FRMD4A: variants seen among roughly 807,000 people sequenced by gnomAD.
The protein encoded by FRMD4A is FERM domain-containing protein 4A.
Under a neutral mutation model 129.1 loss-of-function variants are expected in FRMD4A, and 29 were observed. That is an observed-to-expected ratio of 0.22 (90% CI 0.17 to 0.31). The LOEUF (loss-of-function observed/expected upper bound fraction) is 0.31, where lower values mean the gene tolerates loss of function less well. Ranked by LOEUF, FRMD4A falls within the 10% of genes least tolerant of loss-of-function variation. The pLI is 1.00. For synonymous variants in FRMD4A, 634 were observed against 571.6 expected, an observed-to-expected ratio of 1.11 and a Z score of -1.56; for missense variants, 1,272 against 1,375.8, an observed-to-expected ratio of 0.92 and a Z score of 1.19.
Position 13,922,572 on chromosome 10 carries a change from G to T in FRMD4A, c.46-63660C>A, listed in dbSNP as rs185186130. Among the ~76,000 whole-genome samples, 529 of 152,274 alleles carry T rather than the reference G, an allele frequency of 3.5e-3. 3 individuals are homozygous for T. The highest frequency in any genetic ancestry group is 6.4e-3 in the Non-Finnish European group (438 of 67,998). On this transcript the variant is annotated intron_variant, in intron 2 of 24. Coordinates refer to ENST00000357447, the MANE Select transcript of FRMD4A (RefSeq NM_018027.5). Reference sequence around the variant, plus strand: ...TCTAGCTATGAGGTAAGTGCAGTCTGCTCTAAAAATAAAAAGCTCTCCTCC... The same window carrying T: ...TCTAGCTATGAGGTAAGTGCAGTCTTCTCTAAAAATAAAAAGCTCTCCTCC...
chr10:13,774,859 C>T (rs529613912), intron 6 of FRMD4A, among the ~76,000 whole-genome samples: 7 of 150,714 alleles, frequency 4.6e-5, no homozygotes, highest in African/African-American at 1.7e-4. Context: ...CTAATATTAT[C>T]AGAGTGATAA....
intron 2 of FRMD4A, among the ~76,000 whole-genome samples, chr10:14,034,765 T>G (rs1222331964): frequency 6.6e-6 from 1 of 152,212 alleles, no homozygotes; most frequent in Non-Finnish European, 1.5e-5. Flanking sequence ...GTGCTGTGCC[T>G]GACACCAGGT....
intron 2 of FRMD4A, among the ~76,000 whole-genome samples, chr10:13,994,021 T>A (rs985794866): frequency 4.0e-5 from 6 of 151,032 alleles, no homozygotes; most frequent in African/African-American, 1.5e-4. Flanking sequence ...TCCTTTTTTT[T>A]TTTTTTGAGA....
intron 2 of FRMD4A, among the ~76,000 whole-genome samples, chr10:13,900,890 C>T (rs1268654996): frequency 6.6e-6 from 1 of 151,720 alleles, no homozygotes; most frequent in Admixed American, 6.6e-5. Flanking sequence ...GAGCGAGATT[C>T]CGTCTCTAAA....
chr10:13,829,782 G>A (rs963920587), intron 3 of FRMD4A, among the ~76,000 whole-genome samples: 2 of 152,194 alleles, frequency 1.3e-5, no homozygotes, highest in Non-Finnish European at 2.9e-5. Flanking sequence ...AGACCCATCT[G>A]TGGGAATTCA....
intron 2 of FRMD4A, among the ~76,000 whole-genome samples, chr10:14,022,762 T>G (rs952087907): frequency 2.0e-5 from 3 of 151,978 alleles, no homozygotes; most frequent in Non-Finnish European, 4.4e-5. Context: ...GAGAAAAGGA[T>G]GGAGTGTCTG....
At chr10:13,889,850 G>A (rs1268956472) in intron 2 of FRMD4A, among the ~76,000 whole-genome samples, 1 of 152,158 alleles carries the variant, frequency 6.6e-6, no homozygotes, top group Non-Finnish European at 1.5e-5. Flanking sequence ...AGGCAACATT[G>A]TATTCACTGG....
rs1554776914 is a variant in FRMD4A, at chr10:14,174,562, A to ATTCG, written c.45+155492_45+155495dup. Among the ~76,000 whole-genome samples the ATTCG allele has an allele frequency of 4.9e-4, 74 of 151,116 alleles. 3 individuals carry two copies. Among genetic ancestry groups the ATTCG allele is most frequent in the Middle Eastern group, 3.4e-3 (1 of 294 alleles). ...CATTCATTCATTCATTCATTCATTC[A>ATTCG]TTCGTTCATCATTCCTTCCTCTCTT... On this transcript the variant is annotated intron_variant, in intron 2 of 24. Coordinates refer to ENST00000357447, the MANE Select transcript of FRMD4A (RefSeq NM_018027.5).
In FRMD4A at chr10:13,957,283, C is replaced by T. The variant is rs1376536748; in HGVS notation, c.46-98371G>A. Among the ~76,000 whole-genome samples the T allele has an allele frequency of 2.6e-5, 4 of 152,104 alleles. No homozygotes were observed. The South Asian group carries it at 6.2e-4, about 24-fold the overall frequency. On this transcript the variant is annotated intron_variant, in intron 2 of 24. Coordinates refer to ENST00000357447, the MANE Select transcript of FRMD4A (RefSeq NM_018027.5). ...TTTTGTTTTTTGTGAGACAGAGTTT[C>T]GCTCTTGCTGCCCAGACTGGAGTGC... is the stretch of plus-strand genomic sequence containing the variant.
Position 14,319,367 on chromosome 10 carries a change from T to TCTCTCTCTCTCTCTCTCTCTCTCACACA in FRMD4A, c.45+10690_45+10691insTGTGTGAGAGAGAGAGAGAGAGAGAGAG, listed in dbSNP as rs112041665. 4.5e-3 allele frequency among the ~76,000 whole-genome samples: 648 copies of TCTCTCTCTCTCTCTCTCTCTCTCACACA among 145,022 alleles called. 13 individuals are homozygous for TCTCTCTCTCTCTCTCTCTCTCTCACACA. Among genetic ancestry groups the TCTCTCTCTCTCTCTCTCTCTCTCACACA allele is most frequent in the African/African-American group, 0.016 (611 of 37,044 alleles). On this transcript the variant is annotated intron_variant, in intron 2 of 24. Coordinates refer to ENST00000357447, the MANE Select transcript of FRMD4A (RefSeq NM_018027.5). ...TCTCTCTCCTCTCTCTCTCTCTCTCTCACACACACACACACACACATGATA... is the reference window on the plus strand; with the variant it reads ...TCTCTCTCCTCTCTCTCTCTCTCTCTCTCTCTCTCTCTCTCTCTCTCTCACACACACACACACACACACACACATGATA...
chr10:14,079,640 A>C (rs1835813087), intron 2 of FRMD4A, among the ~76,000 whole-genome samples: 1 of 152,166 alleles, frequency 6.6e-6, no homozygotes, highest in Admixed American at 6.5e-5. Context: ...TGTTGGTGTG[A>C]TTCTGTGTGT....
intron 2 of FRMD4A, among the ~76,000 whole-genome samples, chr10:14,020,319 C>A (rs997069627): frequency 1.3e-5 from 2 of 152,160 alleles, no homozygotes; most frequent in Non-Finnish European, 2.9e-5. Context: ...CTTGCAGAAG[C>A]CTTGCATTCC....
At chr10:13,798,227 A>G (rs1055267342) in intron 4 of FRMD4A, among the ~76,000 whole-genome samples, 4 of 152,074 alleles carry the variant, frequency 2.6e-5, no homozygotes, top group African/African-American at 7.2e-5. Context: ...CCTGGCCAAC[A>G]TGGTGAAACC....
chr10:14,028,987 C>T (rs1300048283), intron 2 of FRMD4A, among the ~76,000 whole-genome samples: 1 of 152,186 alleles, frequency 6.6e-6, no homozygotes, highest in Admixed American at 6.5e-5. Context: ...TGGTGGCCAC[C>T]TAAGAATGAT....
chr10:14,129,314 C>G (rs2131825048), intron 2 of FRMD4A, among the ~76,000 whole-genome samples: 1 of 147,016 alleles, frequency 6.8e-6, no homozygotes, highest in South Asian at 2.2e-4. Flanking sequence ...AAAAAAATCG[C>G]TCTGAGAGCC....
chr10:14,065,518 G>A (rs1212637182), intron 2 of FRMD4A, among the ~76,000 whole-genome samples: 1 of 152,062 alleles, frequency 6.6e-6, no homozygotes. Context: ...GTTCTCCTTT[G>A]AGGTAGCATC....
At chr10:13,860,791 T>A (rs2094284440) in intron 2 of FRMD4A, among the ~76,000 whole-genome samples, 1 of 152,174 alleles carries the variant, frequency 6.6e-6, no homozygotes, top group African/African-American at 2.4e-5. Flanking sequence ...TAATTTAATT[T>A]TTTTTTAGAC....
intron 2 of FRMD4A, among the ~76,000 whole-genome samples, chr10:14,149,181 A>G (rs1840225976): frequency 6.6e-6 from 1 of 152,208 alleles, no homozygotes; most frequent in South Asian, 2.1e-4. Flanking sequence ...AACCCATGCT[A>G]TGTAAGTATT....
At chr10:13,876,700 A>G (rs2094492275) in intron 2 of FRMD4A, among the ~76,000 whole-genome samples, 1 of 152,180 alleles carries the variant, frequency 6.6e-6, no homozygotes, top group Admixed American at 6.5e-5. Flanking sequence ...ATTATACAAT[A>G]AGTTTTCACA....
Sources: gnomAD v4.1 joint callset for allele counts (sites outside exome capture counted in the v4.1 genomes callset) on GRCh38, gnomAD v4.1.1 for gene constraint, MANE v1.5 for transcripts, NCBI Gene and HGNC (gene_info 2026-07-23, HGNC 2026-07-21) for gene names.